The following KDM4C variants were observed in gnomAD, a reference collection of about 807,000 sequenced individuals.
The protein encoded by KDM4C is lysine-specific demethylase 4C.
Under a neutral mutation model 129.3 loss-of-function variants are expected in KDM4C, and 81 were observed. The ratio of observed to expected loss-of-function variants is 0.63; its 90% CI spans 0.52 to 0.75. KDM4C has a LOEUF of 0.75. Ranked by LOEUF, KDM4C falls within the 30% of genes least tolerant of loss-of-function variation. The pLI is 0.00. For synonymous variants in KDM4C, 573 were observed against 456.1 expected, an observed-to-expected ratio of 1.26 and a Z score of -3.26; for missense variants, 1,457 against 1,304.0, an observed-to-expected ratio of 1.12 and a Z score of -1.81.
At chr9:6,819,363 G>C (rs1453405863) in intron 4 of KDM4C, among the ~76,000 whole-genome samples, 1 of 152,178 alleles carries the variant, frequency 6.6e-6, no homozygotes, top group Non-Finnish European at 1.5e-5. Flanking sequence ...TCAGATTTGT[G>C]TAACTTTTGT....
intron 5 of KDM4C, among the ~76,000 whole-genome samples, chr9:6,853,411 G>C (rs569718203): frequency 1.3e-4 from 20 of 152,290 alleles, no homozygotes; most frequent in Admixed American, 1.3e-4. Flanking sequence ...AGGATGACCT[G>C]AGCCCGGGGA....
intron 18 of KDM4C, among the ~76,000 whole-genome samples, chr9:7,107,078 C>T (rs12686272): frequency 0.43 from 65,595 of 151,992 alleles, 14,551 homozygotes; most frequent in East Asian, 0.75. Flanking sequence ...TGTTGAATGT[C>T]ACTGCTGTGT....
chr9:6,755,488 C>T (rs1305260904), upstream of KDM4C, among the ~76,000 whole-genome samples: 1 of 152,008 alleles, frequency 6.6e-6, no homozygotes, highest in Admixed American at 6.6e-5. Flanking sequence ...GTCAAGGCTG[C>T]AGTGAGCCGA....
rs549013689 is a variant in KDM4C, at chr9:6,848,609, C to T, written c.436-898C>T. Among the ~76,000 whole-genome samples the T allele has an allele frequency of 6.3e-4, 95 of 151,860 alleles. No homozygotes were observed. The South Asian group carries it at 8.3e-3, about 13-fold the overall frequency. On this transcript the variant is annotated intron_variant, in intron 4 of 21. Coordinates refer to ENST00000381309, the MANE Select transcript of KDM4C (RefSeq NM_015061.6). ...GCTCGAACCTGGGAGGTAGAGGTTG[C>T]GGTGAGCTGAGATTGCACCACTGCA...
At chr9:6,757,912 C>A, upstream of KDM4C, 1 of 985,434 alleles carries the variant, frequency 1.0e-6, no homozygotes, top group Non-Finnish European at 1.2e-6. Context: ...TGTAAGCCCA[C>A]GTGACTCACC....
At chr9:6,997,817 T>A (rs967733371) in intron 12 of KDM4C, among the ~76,000 whole-genome samples, 5 of 152,260 alleles carry the variant, frequency 3.3e-5, no homozygotes, top group Non-Finnish European at 5.9e-5. Flanking sequence ...TAGCATGTGG[T>A]GACAGGTTGA....
chr9:6,846,266 C>T (rs1029339905), intron 4 of KDM4C, among the ~76,000 whole-genome samples: 1 of 152,214 alleles, frequency 6.6e-6, no homozygotes, highest in African/African-American at 2.4e-5. Context: ...CCATCTACTT[C>T]TAGCTAGGAG....
chr9:6,915,081 C>T (rs563413180), intron 8 of KDM4C, among the ~76,000 whole-genome samples: 154 of 152,236 alleles, frequency 1.0e-3, no homozygotes, highest in African/African-American at 3.5e-3. Flanking sequence ...CATGATAAAA[C>T]GTTCTAAATC....
At chr9:7,107,398 G>C (rs1837814565) in intron 18 of KDM4C, among the ~76,000 whole-genome samples, 1 of 152,082 alleles carries the variant, frequency 6.6e-6, no homozygotes, top group South Asian at 2.1e-4. Context: ...AGCACCACAG[G>C]GCCATCTCAC....
chr9:7,034,798 T>C (rs1351863926), intron 15 of KDM4C, among the ~76,000 whole-genome samples: 1 of 152,220 alleles, frequency 6.6e-6, no homozygotes, highest in Non-Finnish European at 1.5e-5. Flanking sequence ...CCACCAACAG[T>C]GATAAGAGTT....
At chr9:7,014,854 A>T (rs893634805) in intron 14 of KDM4C, among the ~76,000 whole-genome samples, 6 of 151,868 alleles carry the variant, frequency 4.0e-5, no homozygotes, top group Admixed American at 6.6e-5. Flanking sequence ...CAAGGGATTT[A>T]AATGCTATCT....
chr9:6,828,271 C>T (rs891048832), intron 4 of KDM4C, among the ~76,000 whole-genome samples: 1 of 152,062 alleles, frequency 6.6e-6, no homozygotes, highest in African/African-American at 2.4e-5. Context: ...TCTCAGCCTC[C>T]CGAATAGCTG....
At chr9:7,138,324 G>A (rs1841418276) in intron 19 of KDM4C, among the ~76,000 whole-genome samples, 1 of 152,160 alleles carries the variant, frequency 6.6e-6, no homozygotes, top group Non-Finnish European at 1.5e-5. Context: ...TTTATAAAAT[G>A]GAGGATATAT....
intron 12 of KDM4C, among the ~76,000 whole-genome samples, chr9:7,003,737 A>C (rs1430195694): frequency 1.3e-5 from 2 of 152,108 alleles, no homozygotes; most frequent in Non-Finnish European, 2.9e-5. Flanking sequence ...AAAGTCCTGT[A>C]ATTTTTTTCT....
chr9:7,128,973 G>C (rs1416462081), intron 19 of KDM4C, among the ~76,000 whole-genome samples: 1 of 152,140 alleles, frequency 6.6e-6, no homozygotes, highest in African/African-American at 2.4e-5. Flanking sequence ...TTTCCACAGA[G>C]GGTTTTTTTT....
intron 1 of KDM4C, among the ~76,000 whole-genome samples, chr9:6,728,761 G>T (rs1024274290): frequency 6.6e-6 from 1 of 151,772 alleles, no homozygotes; most frequent in Non-Finnish European, 1.5e-5. Flanking sequence ...CAGGAGAATC[G>T]CCTGAACCCG....
At chr9:6,905,611 A>C (rs1016030599) in intron 8 of KDM4C, among the ~76,000 whole-genome samples, 1 of 152,210 alleles carries the variant, frequency 6.6e-6, no homozygotes, top group Non-Finnish European at 1.5e-5. Flanking sequence ...CATGACCAAG[A>C]CTTCGTAACA....
chr9:7,124,468 A>G (rs536938934), intron 18 of KDM4C, among the ~76,000 whole-genome samples: 26 of 152,222 alleles, frequency 1.7e-4, no homozygotes, highest in African/African-American at 6.3e-4. Flanking sequence ...ACCTGTAAGA[A>G]GTAGCTGTCA....
intron 19 of KDM4C, 36 bp downstream of exon 19, chr9:7,128,272 T>A (rs1398252258): frequency 3.4e-6 from 5 of 1,455,372 alleles, no homozygotes; most frequent in African/African-American, 2.9e-5. Flanking sequence ...CTACCCAGAG[T>A]AATTTAAAAA....
Sources: allele counts gnomAD v4.1 joint callset (sites outside exome capture counted in the v4.1 genomes callset), GRCh38; gene constraint gnomAD v4.1.1; transcripts MANE v1.5; gene names NCBI Gene and HGNC (gene_info 2026-07-23, HGNC 2026-07-21).